VAT1L: variants seen among roughly 807,000 people sequenced by gnomAD.
The protein encoded by VAT1L is putative NADPH-dependent quinone oxidoreductase VAT1L.
A neutral mutation model predicts 44.1 loss-of-function variants in VAT1L; 34 were observed. The ratio of observed to expected loss-of-function variants is 0.77; its 90% CI spans 0.59 to 1.03. The LOEUF is 1.03. Ranked by LOEUF, VAT1L falls within the 50% of genes least tolerant of loss-of-function variation. The probability of loss-of-function intolerance (pLI) is 0.00; values close to 1 mark genes in which losing one functional copy is unlikely to be tolerated. For missense variants in VAT1L, 615 were observed against 538.8 expected (o/e 1.14, Z -1.40); for synonymous variants, 253 against 202.2 (o/e 1.25, Z -2.13).
chr16:77,858,768 C>T (rs1035881936), intron 3 of VAT1L, among the ~76,000 whole-genome samples: 1 of 151,854 alleles, frequency 6.6e-6, no homozygotes, highest in Non-Finnish European at 1.5e-5. Flanking sequence ...TTTGGGAAGC[C>T]AAGATTGATT....
chr16:77,862,623 TAA>T (rs34096024), intron 3 of VAT1L, 123 bp from the exon 4 acceptor site: 42,007 of 388,634 alleles, frequency 0.11, 138 homozygotes, highest in Non-Finnish European at 0.12. Flanking sequence ...ACTCCATCTC[TAA>T]AAAAAAAAAA....
At chr16:77,874,969 C>T (rs926954126) in intron 4 of VAT1L, among the ~76,000 whole-genome samples, 3 of 152,046 alleles carry the variant, frequency 2.0e-5, no homozygotes, top group Non-Finnish European at 4.4e-5. Flanking sequence ...TGCAAATCCC[C>T]ACCACAGACC....
At chr16:77,853,761 G>A (rs976530725) in intron 3 of VAT1L, among the ~76,000 whole-genome samples, 11 of 151,914 alleles carry the variant, frequency 7.2e-5, no homozygotes, top group Non-Finnish European at 1.2e-4. Flanking sequence ...TGAGAAGCAC[G>A]GATCCATACA....
In VAT1L at chr16:77,860,614, G is replaced by C. The variant is rs1320998301; in HGVS notation, c.580-2134G>C. Among the ~76,000 whole-genome samples, 4 of 152,224 alleles carry C rather than the reference G, an allele frequency of 2.6e-5. No individual in the cohort carries two copies. In the East Asian group the frequency reaches 7.7e-4, roughly 29 times the overall value. ...TAGTAAGAAGGTTATCTCAAGCGCT[G>C]TCCATAAGGAGCTATAACTATGACA... is the stretch of plus-strand genomic sequence containing the variant. On this transcript the variant is annotated intron_variant, in intron 3 of 8. Coordinates refer to ENST00000302536, the MANE Select transcript of VAT1L (RefSeq NM_020927.3).
chr16:77,900,717 A>G lies in VAT1L; in HGVS notation c.1077+15915A>G, dbSNP rs2017372437. 2.0e-5 allele frequency among the ~76,000 whole-genome samples: 3 copies of G among 151,482 alleles called. No homozygotes were observed. The South Asian group carries it at 6.3e-4, about 32-fold the overall frequency. On this transcript the variant is annotated intron_variant, in intron 7 of 8. Coordinates refer to ENST00000302536, the MANE Select transcript of VAT1L (RefSeq NM_020927.3). ...CTTGAAAAAAAAAAAAAGAAAATAG[A>G]AAAAAAGGCAAAAATATTGCCCATA...
chr16:77,915,947 C>T (rs976135910), intron 7 of VAT1L, among the ~76,000 whole-genome samples: 4 of 152,048 alleles, frequency 2.6e-5, no homozygotes, highest in Non-Finnish European at 2.9e-5. Flanking sequence ...CCTACTGGGG[C>T]GCTATGAGAA....
At position 77,925,821 on chromosome 16, in the gene VAT1L, G is replaced by A. The variant is rs2142497786; in HGVS notation, c.1077+41019G>A. On this transcript the variant is annotated intron_variant, in intron 7 of 8. Coordinates refer to ENST00000302536, the MANE Select transcript of VAT1L (RefSeq NM_020927.3). Reference sequence around the variant, plus strand: ...CAAACAACATAAAAAGCCAGAAGCAGCATCTTCCTTTAATTCCCCCCACCT... The same window carrying A: ...CAAACAACATAAAAAGCCAGAAGCAACATCTTCCTTTAATTCCCCCCACCT... Among the ~76,000 whole-genome samples, 3 of 150,500 alleles carry A rather than the reference G, an allele frequency of 2.0e-5. No individual in the cohort carries two copies. In the South Asian group the frequency reaches 6.3e-4, roughly 31 times the overall value.
intron 8 of VAT1L, among the ~76,000 whole-genome samples, chr16:77,972,599 G>C (rs1250060706): frequency 6.6e-6 from 1 of 151,998 alleles, no homozygotes; most frequent in African/African-American, 2.4e-5. Context: ...TGGCCAAGAT[G>C]GTGAAACCCC....
chr16:77,948,482 T>A (rs1250334285), intron 7 of VAT1L, among the ~76,000 whole-genome samples: 1 of 152,172 alleles, frequency 6.6e-6, no homozygotes, highest in African/African-American at 2.4e-5. Flanking sequence ...GAACTGTCGT[T>A]ATAGTTGTCA....
intron 7 of VAT1L, among the ~76,000 whole-genome samples, chr16:77,935,989 C>A (rs574982210): frequency 2.0e-5 from 3 of 152,262 alleles, no homozygotes; most frequent in Non-Finnish European, 4.4e-5. Context: ...CTCTCTCGTT[C>A]TCTTTTTGAC....
At chr16:77,888,657 G>A (rs896619007) in intron 7 of VAT1L, among the ~76,000 whole-genome samples, 3 of 152,232 alleles carry the variant, frequency 2.0e-5, no homozygotes, top group African/African-American at 7.2e-5. Context: ...CCTGCGCACT[G>A]TAGAATGGTG....
intron 3 of VAT1L, among the ~76,000 whole-genome samples, chr16:77,839,697 A>C (rs1479016449): frequency 6.6e-6 from 1 of 152,052 alleles, no homozygotes; most frequent in Non-Finnish European, 1.5e-5. Context: ...CGGGATCAGC[A>C]ATCTATCTTG....
intron 3 of VAT1L, among the ~76,000 whole-genome samples, chr16:77,851,121 A>G (rs1233347764): frequency 1.3e-5 from 2 of 152,150 alleles, no homozygotes; most frequent in Non-Finnish European, 2.9e-5. Flanking sequence ...AGATGGCCAC[A>G]CTCTAGTTGC....
chr16:77,825,117 T>G, intron 2 of VAT1L, 129 bp from the exon 3 acceptor site: 1 of 933,236 alleles, frequency 1.1e-6, no homozygotes, highest in Non-Finnish European at 1.7e-6. Flanking sequence ...TTCACCCACC[T>G]CAGCCTCCCA....
At chr16:77,869,383 C>G (rs1200061531) in intron 4 of VAT1L, among the ~76,000 whole-genome samples, 1 of 152,178 alleles carries the variant, frequency 6.6e-6, no homozygotes, top group East Asian at 1.9e-4. Context: ...AGTACAAAGC[C>G]ACTCCCTTAG....
At chr16:77,851,327 C>T (rs2016806400) in intron 3 of VAT1L, among the ~76,000 whole-genome samples, 1 of 152,130 alleles carries the variant, frequency 6.6e-6, no homozygotes, top group African/African-American at 2.4e-5. Context: ...AAGACCATAA[C>T]ATGGAATGAT....
At position 77,868,858 on chromosome 16, in the gene VAT1L, C is replaced by G. The variant is rs775136606; in HGVS notation, c.722+5968C>G. 2.0e-5 allele frequency among the ~76,000 whole-genome samples: 3 copies of G among 152,104 alleles called. No individual in the cohort carries two copies. The East Asian group carries it at 5.8e-4, about 29-fold the overall frequency. ...GCAGATGTTGAGCAGCATCCCTGGT[C>G]TCTACCCATTAGATGCCAGTGGCAC... On this transcript the variant is annotated intron_variant, in intron 4 of 8. Coordinates refer to ENST00000302536, the MANE Select transcript of VAT1L (RefSeq NM_020927.3).
At chr16:77,846,697 C>T (rs1302635386) in intron 3 of VAT1L, among the ~76,000 whole-genome samples, 1 of 152,076 alleles carries the variant, frequency 6.6e-6, no homozygotes. Flanking sequence ...AATTTCTTGT[C>T]AGATAGTTGG....
chr16:77,802,539 A>C (rs1174570180), intron 1 of VAT1L, among the ~76,000 whole-genome samples: 1 of 151,662 alleles, frequency 6.6e-6, no homozygotes, highest in Non-Finnish European at 1.5e-5. Flanking sequence ...GCTTGAACCC[A>C]GGAGGCAGAG....
Sources: gnomAD v4.1 joint callset for allele counts (sites outside exome capture counted in the v4.1 genomes callset) on GRCh38, gnomAD v4.1.1 for gene constraint, MANE v1.5 for transcripts, NCBI Gene and HGNC (gene_info 2026-07-23, HGNC 2026-07-21) for gene names.